The following CACNA2D3 variants were observed in gnomAD, a reference collection of about 807,000 sequenced individuals.
CACNA2D3 encodes calcium voltage-gated channel auxiliary subunit alpha2delta 3, also known as voltage-dependent calcium channel subunit alpha-2/delta-3.
In CACNA2D3, 60 loss-of-function variants were observed where a neutral mutation model predicts 160.6. The ratio of observed to expected loss-of-function variants is 0.37; its 90% CI spans 0.30 to 0.46. CACNA2D3 has a LOEUF of 0.46. Ranked by LOEUF, CACNA2D3 falls within the 20% of genes least tolerant of loss-of-function variation. The probability of loss-of-function intolerance (pLI) is 1.00; values close to 1 mark genes in which losing one functional copy is unlikely to be tolerated. For synonymous variants in CACNA2D3, 558 were observed against 492.9 expected (o/e 1.13, Z -1.75); for missense variants, 1,205 against 1,365.0 (o/e 0.88, Z 1.85).
At chr3:54,938,200 A>G (rs1701377306) in intron 27 of CACNA2D3, among the ~76,000 whole-genome samples, 4 of 152,250 alleles carry the variant, frequency 2.6e-5, no homozygotes, top group Admixed American at 2.6e-4. Context: ...AGGAAGAACC[A>G]GCCCTGCTGG....
chr3:54,301,811 A>T (rs1703483072), intron 2 of CACNA2D3, among the ~76,000 whole-genome samples: 1 of 152,164 alleles, frequency 6.6e-6, no homozygotes, highest in Admixed American at 6.5e-5. Context: ...GATTCCCTTG[A>T]AACTATGTTG....
chr3:54,977,763 G>C (rs965899808), intron 29 of CACNA2D3, among the ~76,000 whole-genome samples: 2 of 152,176 alleles, frequency 1.3e-5, no homozygotes, highest in African/African-American at 4.8e-5. Context: ...TCCCAATCCA[G>C]ACCCCAAGAG....
At chr3:54,679,233 G>A (rs998810307) in intron 11 of CACNA2D3, among the ~76,000 whole-genome samples, 1 of 152,150 alleles carries the variant, frequency 6.6e-6, no homozygotes, top group African/African-American at 2.4e-5. Context: ...AATGCCCTGG[G>A]TGTAACAGCT....
intron 3 of CACNA2D3, among the ~76,000 whole-genome samples, chr3:54,333,342 G>T (rs1704306546): frequency 6.6e-6 from 1 of 152,120 alleles, no homozygotes; most frequent in South Asian, 2.1e-4. Flanking sequence ...AAGAATACAG[G>T]AAGTTGCGGC....
intron 9 of CACNA2D3, among the ~76,000 whole-genome samples, chr3:54,610,903 A>T (rs1028278801): frequency 5.3e-4 from 81 of 152,282 alleles, no homozygotes; most frequent in African/African-American, 1.7e-3. Flanking sequence ...TGCTGGGATT[A>T]CAGGAGTGAG....
At chr3:54,873,898 C>T (rs941319039) in intron 18 of CACNA2D3, among the ~76,000 whole-genome samples, 7 of 152,232 alleles carry the variant, frequency 4.6e-5, no homozygotes, top group African/African-American at 1.7e-4. Flanking sequence ...CAGAAAGCAT[C>T]ATTGTGAAGT....
chr3:55,050,266 G>A (rs918428627), intron 35 of CACNA2D3, among the ~76,000 whole-genome samples: 206 of 151,156 alleles, frequency 1.4e-3, no homozygotes, highest in Middle Eastern at 3.4e-3. Flanking sequence ...CATGTTTAGC[G>A]CTTCCTTCAG....
rs113139554 is a variant in CACNA2D3 at position 55,009,265 on chromosome 3, G to A, written c.2820-123G>A. The A allele has an allele frequency of 9.2e-5, 75 of 816,322 alleles. No homozygotes were observed. The African/African-American group carries it at 1.0e-3, about 11-fold the overall frequency. 50.6% of individuals were successfully genotyped at this position (816,322 alleles called of 1,614,324 possible). A position where few individuals can be genotyped will look rare whatever the true frequency, so the allele number is the denominator to read the frequency against. On this transcript the variant is annotated intron_variant, in intron 33 of 37. Coordinates refer to ENST00000474759, the MANE Select transcript of CACNA2D3 (RefSeq NM_018398.3). The stretch of plus-strand genomic sequence containing the variant: ...TAGTAGTAACTCAGCCAACTGTGTT[G>A]ATATCTCCAAATTGTGATGTTCTCA...
intron 13 of CACNA2D3, among the ~76,000 whole-genome samples, chr3:54,778,591 T>C (rs1164206518): frequency 1.3e-5 from 2 of 152,190 alleles, no homozygotes; most frequent in Non-Finnish European, 2.9e-5. Context: ...TGTACTATTA[T>C]ATTAAGAAGT....
rs373294015 is a variant in CACNA2D3 at position 54,939,001 on chromosome 3, A to C, written c.2450-29449A>C. Among the ~76,000 whole-genome samples, 4 of 152,340 alleles carry C rather than the reference A, an allele frequency of 2.6e-5. No homozygotes were observed. The East Asian group carries it at 7.8e-4, about 30-fold the overall frequency. On this transcript the variant is annotated intron_variant, in intron 27 of 37. Coordinates refer to ENST00000474759, the MANE Select transcript of CACNA2D3 (RefSeq NM_018398.3). ...CTGAAAAGGGTAGCACACGTTAGAC[A>C]GCAAACTGGGACCAAGAGGAAACTG...
intron 13 of CACNA2D3, among the ~76,000 whole-genome samples, chr3:54,774,301 T>C (rs547148810): frequency 4.6e-4 from 70 of 152,240 alleles, no homozygotes; most frequent in African/African-American, 1.7e-3. Flanking sequence ...CCGCAGGCTA[T>C]GTAGGAAGCA....
At chr3:54,735,819 T>A (rs1701484928) in intron 11 of CACNA2D3, among the ~76,000 whole-genome samples, 1 of 151,420 alleles carries the variant, frequency 6.6e-6, no homozygotes, top group African/African-American at 2.4e-5. Flanking sequence ...TCAAAATACT[T>A]TTCTTATAGA....
At chr3:54,874,156 A>T (rs899019170) in intron 18 of CACNA2D3, among the ~76,000 whole-genome samples, 1 of 152,250 alleles carries the variant, frequency 6.6e-6, no homozygotes, top group African/African-American at 2.4e-5. Context: ...AAGTTCATAT[A>T]TACTGTTACA....
intron 5 of CACNA2D3, among the ~76,000 whole-genome samples, chr3:54,517,809 C>T (rs1559502586): frequency 6.6e-6 from 1 of 152,172 alleles, no homozygotes. Context: ...CCCTGCCTCC[C>T]TCCTTGCTCT....
chr3:54,682,665 A>T (rs901700909), intron 11 of CACNA2D3, among the ~76,000 whole-genome samples: 1 of 149,904 alleles, frequency 6.7e-6, no homozygotes, highest in African/African-American at 2.6e-5. Flanking sequence ...CAAGTTCAAA[A>T]AGTGAGTATA....
chr3:54,270,364 A>G (rs912160728), intron 2 of CACNA2D3, among the ~76,000 whole-genome samples: 3 of 152,224 alleles, frequency 2.0e-5, no homozygotes, highest in African/African-American at 7.2e-5. Flanking sequence ...TGCAGGAATT[A>G]ATCGACCTGC....
At chr3:54,406,852 G>A (rs188012501) in intron 4 of CACNA2D3, among the ~76,000 whole-genome samples, 27 of 152,082 alleles carry the variant, frequency 1.8e-4, no homozygotes, top group African/African-American at 5.3e-4. Context: ...GGGTAACTAC[G>A]TGAGCTGATG....
intron 2 of CACNA2D3, among the ~76,000 whole-genome samples, chr3:54,206,994 C>G (rs1033479857): frequency 3.3e-5 from 5 of 152,208 alleles, no homozygotes; most frequent in Non-Finnish European, 7.3e-5. Flanking sequence ...CCTGACAGGG[C>G]ATACTCTGCC....
chr3:54,405,426 G>A (rs1262370587), intron 4 of CACNA2D3, among the ~76,000 whole-genome samples: 1 of 151,826 alleles, frequency 6.6e-6, no homozygotes, highest in Non-Finnish European at 1.5e-5. Flanking sequence ...AAACATATGT[G>A]GTCAACTAGT....
Sources: gnomAD v4.1 joint callset for allele counts (sites outside exome capture counted in the v4.1 genomes callset) on GRCh38, gnomAD v4.1.1 for gene constraint, MANE v1.5 for transcripts, NCBI Gene and HGNC (gene_info 2026-07-23, HGNC 2026-07-21) for gene names.